The following TTC33 variants were observed in gnomAD, a reference collection of about 807,000 sequenced individuals.
The protein encoded by TTC33 is tetratricopeptide repeat domain 33, also known as tetratricopeptide repeat protein 33.
In TTC33, 24 loss-of-function variants were observed where a neutral mutation model predicts 29.4. The ratio of observed to expected loss-of-function variants is 0.82; its 90% CI spans 0.59 to 1.15. The LOEUF (loss-of-function observed/expected upper bound fraction) is 1.15. TTC33 is among the 50% of genes most tolerant of loss of function. TTC33 has a pLI of 0.00. For synonymous variants in TTC33, 107 were observed against 100.3 expected, an observed-to-expected ratio of 1.07 and a Z score of -0.40; for missense variants, 286 against 310.4, an observed-to-expected ratio of 0.92 and a Z score of 0.59.
At chr5:40,734,522 G>C (rs1437186168) in intron 2 of TTC33, among the ~76,000 whole-genome samples, 2 of 152,202 alleles carry the variant, frequency 1.3e-5, no homozygotes, top group Non-Finnish European at 2.9e-5. Flanking sequence ...GGCAGGATGA[G>C]ATAATGCCCT....
rs1741910141 is a variant in TTC33, at chr5:40,712,157, A to G, written c.*3988T>C. On this transcript the variant is annotated 3_prime_UTR_variant, in exon 5 of 5. Transcript: ENST00000337702. ...TTCCCTTCCAATTCAATCTAGAGTC[A>G]ACAATGTGGTCTGTCACAATTCCAA... is the stretch of plus-strand genomic sequence containing the variant. Among the ~76,000 whole-genome samples the G allele has an allele frequency of 6.6e-6, 1 of 152,154 alleles. No homozygotes were observed. The highest frequency in any genetic ancestry group is 1.5e-5 in the Non-Finnish European group (1 of 68,018).
At chr5:40,750,125 T>C (rs1400069698) in intron 1 of TTC33, among the ~76,000 whole-genome samples, 1 of 150,610 alleles carries the variant, frequency 6.6e-6, no homozygotes, top group Non-Finnish European at 1.5e-5. Flanking sequence ...AATTTAAAAA[T>C]ATTTTATTGC....
chr5:40,737,228 T>C (rs1742571967), intron 2 of TTC33, among the ~76,000 whole-genome samples: 1 of 150,258 alleles, frequency 6.7e-6, no homozygotes, highest in African/African-American at 2.5e-5. Flanking sequence ...ACCTGGAAAG[T>C]GGAGATTGCA....
intron 2 of TTC33, among the ~76,000 whole-genome samples, chr5:40,738,529 CAATAAAATACAATAA>C (rs1222124704): frequency 1.8e-4 from 15 of 82,074 alleles, no homozygotes; most frequent in Non-Finnish European, 1.0e-4. Context: ...AAATAAAATA[CAATAAAATACAATAA>C]AATAAAATAA....
rs1057631 is a variant in TTC33 at position 40,712,142 on chromosome 5, A to T, written c.*4003T>A. 0.18 allele frequency among the ~76,000 whole-genome samples: 27,200 copies of T among 152,098 alleles called. 3,180 individuals are homozygous for T. Among genetic ancestry groups the T allele is most frequent in the Middle Eastern group, 0.27 (78 of 294 alleles). On this transcript the variant is annotated 3_prime_UTR_variant, in exon 5 of 5. Coordinates refer to ENST00000337702, the MANE Select transcript of TTC33 (RefSeq NM_012382.3). ...ATTCATTTCACATTCTTCCCTTCCA[A>T]TTCAATCTAGAGTCAACAATGTGGT...
chr5:40,718,916 A>G (rs1190384532), intron 4 of TTC33, among the ~76,000 whole-genome samples: 1 of 152,130 alleles, frequency 6.6e-6, no homozygotes, highest in Non-Finnish European at 1.5e-5. Context: ...ATAAATAAAT[A>G]AAAATTAAAA....
intron 4 of TTC33, among the ~76,000 whole-genome samples, chr5:40,722,733 C>CG (rs1383093273): frequency 6.7e-6 from 1 of 149,982 alleles, no homozygotes; most frequent in Non-Finnish European, 1.5e-5. Flanking sequence ...CGGGAGGTGG[C>CG]GGGGCAGCCC....
At chr5:40,721,275 C>A (rs1742125369) in intron 4 of TTC33, among the ~76,000 whole-genome samples, 1 of 152,170 alleles carries the variant, frequency 6.6e-6, no homozygotes, top group African/African-American at 2.4e-5. Flanking sequence ...CTTCCCTGAG[C>A]TGGGCACAAA....
At chr5:40,720,905 C>T (rs142008295) in intron 4 of TTC33, among the ~76,000 whole-genome samples, 380 of 152,280 alleles carry the variant, frequency 2.5e-3, no homozygotes, top group African/African-American at 8.8e-3. Flanking sequence ...TCTACGGTGG[C>T]TACAAAAAGT....
intron 1 of TTC33, among the ~76,000 whole-genome samples, chr5:40,749,925 T>C (rs957209712): frequency 6.6e-6 from 1 of 151,840 alleles, no homozygotes; most frequent in African/African-American, 2.4e-5. Context: ...CCGTCTCTAC[T>C]AAAAATACAA....
At chr5:40,728,642 C>T (rs568781509) in intron 3 of TTC33, among the ~76,000 whole-genome samples, 166 bp from the exon 4 acceptor site, 1 of 152,256 alleles carries the variant, frequency 6.6e-6, no homozygotes, top group East Asian at 1.9e-4. Context: ...TTATAGTTCT[C>T]TTTTCACCCC....
At chr5:40,718,991 A>T (rs140394311) in intron 4 of TTC33, among the ~76,000 whole-genome samples, 1 of 152,228 alleles carries the variant, frequency 6.6e-6, no homozygotes, top group Non-Finnish European at 1.5e-5. Context: ...CCACCTATAT[A>T]GAAGTGTTAA....
chr5:40,751,818 G>A (rs189335584), intron 1 of TTC33, among the ~76,000 whole-genome samples: 4 of 152,046 alleles, frequency 2.6e-5, no homozygotes, highest in South Asian at 2.1e-4. Context: ...TTAGCTGGGC[G>A]TGGTGGCGCA....
At position 40,713,625 on chromosome 5, in the gene TTC33, G is replaced by A. The variant is rs1741940540; in HGVS notation, c.*2520C>T. Among the ~76,000 whole-genome samples, 1 of 152,108 alleles carries A rather than the reference G, an allele frequency of 6.6e-6. No homozygotes were observed. Among genetic ancestry groups the A allele is most frequent in the African/African-American group, 2.4e-5 (1 of 41,438 alleles). On this transcript the variant is annotated 3_prime_UTR_variant, in exon 5 of 5. Transcript: ENST00000337702. ...GCCTGTTTTCTAGAGAATGATATAT[G>A]ATTCTTGTGTTATCAGGCATGGTCT...
intron 2 of TTC33, among the ~76,000 whole-genome samples, chr5:40,743,593 C>T (rs541123118): frequency 8.6e-5 from 13 of 151,890 alleles, no homozygotes; most frequent in African/African-American, 2.7e-4. Context: ...GCCAACATGG[C>T]GAAATCCCAT....
rs1741977643 is a variant in TTC33 at position 40,715,354 on chromosome 5, T to C, written c.*791A>G. 6.6e-6 allele frequency: 1 copy of C among 152,122 alleles called. No individual in the cohort carries two copies. Among genetic ancestry groups the C allele is most frequent in the Non-Finnish European group, 1.5e-5 (1 of 67,966 alleles). 9.4% of individuals were successfully genotyped at this position (152,122 alleles called of 1,614,324 possible). A position where few individuals can be genotyped will look rare whatever the true frequency, so the allele number is the denominator to read the frequency against. ...GACTGGGATAATATAGCAGTACAAT[T>C]GTCATTAACCTATCTGTAAAAGCCA... is the stretch of plus-strand genomic sequence containing the variant. On this transcript the variant is annotated 3_prime_UTR_variant, in exon 5 of 5. Coordinates refer to ENST00000337702, the MANE Select transcript of TTC33 (RefSeq NM_012382.3).
rs151198458 is a variant in TTC33 at position 40,746,979 on chromosome 5, C to A, written c.40G>T (p.Val14Phe). Residue 14 changes from valine to phenylalanine, a missense_variant, in exon 2 of 5, where the codon GTC becomes TTC. Physicochemically the swap from Val to Phe is conservative, Grantham distance 50. Coordinates refer to ENST00000337702, the MANE Select transcript of TTC33 (RefSeq NM_012382.3). Reference sequence around the variant, plus strand: ...AACTGCTGGGAAGTGACCTTTGAGACCTTCTCACCAATTTTCCTCTTCCAC... The same window carrying A: ...AACTGCTGGGAAGTGACCTTTGAGAACTTCTCACCAATTTTCCTCTTCCAC... ...FGWKRKIGEK[V>F]SKVTSQQFEA... The A allele has an allele frequency of 6.6e-5, 107 of 1,613,996 alleles. No homozygotes were observed. The highest frequency in any genetic ancestry group is 8.8e-5 in the Non-Finnish European group (104 of 1,180,028).
chr5:40,717,476 G>C lies in TTC33; in HGVS notation c.436-978C>G, dbSNP rs1037228375. ...AGAACTCCACTACAGTCTGGATAAA[G>C]GTCAACCTCAGCACTACTGACATAT... On this transcript the variant is annotated intron_variant, in intron 4 of 4. Coordinates refer to ENST00000337702, the MANE Select transcript of TTC33 (RefSeq NM_012382.3). 3.3e-5 allele frequency among the ~76,000 whole-genome samples: 5 copies of C among 152,198 alleles called. No homozygotes were observed. The East Asian group carries it at 7.8e-4, about 24-fold the overall frequency.
At chr5:40,752,940 G>C (rs1742921750) in intron 1 of TTC33, among the ~76,000 whole-genome samples, 1 of 152,214 alleles carries the variant, frequency 6.6e-6, no homozygotes, top group Non-Finnish European at 1.5e-5. Context: ...GAAAAAAAGT[G>C]AGGGTGGCTA....
Sources: gnomAD v4.1 joint callset for allele counts (sites outside exome capture counted in the v4.1 genomes callset) on GRCh38, gnomAD v4.1.1 for gene constraint, MANE v1.5 for transcripts, NCBI Gene and HGNC (gene_info 2026-07-23, HGNC 2026-07-21) for gene names.